Variants in MICU1 observed in about 807,000 individuals in gnomAD.
The protein encoded by MICU1 is mitochondrial calcium uptake 1, also known as calcium uptake protein 1, mitochondrial.
A neutral mutation model predicts 56.8 loss-of-function variants in MICU1; 45 were observed. The observed-to-expected ratio is 0.79, with a 90% confidence interval of 0.62 to 1.02. MICU1 has a LOEUF of 1.02. MICU1 is among the 50% of genes least tolerant of loss of function. The probability of loss-of-function intolerance (pLI) is 0.00; values close to 1 mark genes in which losing one functional copy is unlikely to be tolerated. For missense variants in MICU1, 504 were observed against 587.1 expected (o/e 0.86, Z 1.46); for synonymous variants, 186 against 195.1 (o/e 0.95, Z 0.39).
At chr10:72,606,587 T>A (rs1311387902) in intron 1 of MICU1, among the ~76,000 whole-genome samples, 1 of 151,840 alleles carries the variant, frequency 6.6e-6, no homozygotes, top group African/African-American at 2.4e-5. Flanking sequence ...ATACTGTGAT[T>A]TATAATAAGA....
chr10:72,414,295 T>C (rs1173936075), intron 9 of MICU1, among the ~76,000 whole-genome samples: 1 of 152,114 alleles, frequency 6.6e-6, no homozygotes, highest in Non-Finnish European at 1.5e-5. Context: ...TAGAAAATAA[T>C]AAACTATTAA....
intron 6 of MICU1, among the ~76,000 whole-genome samples, chr10:72,502,158 G>GTTTTTTTTTTTTTTT (rs1256587038): frequency 2.0e-4 from 26 of 131,832 alleles, no homozygotes; most frequent in African/African-American, 3.1e-4. Flanking sequence ...TTTTTTTTTT[G>GTTTTTTTTTTTTTTT]TTTTTTTTTT....
At chr10:72,372,297 G>A (rs1206673958) in intron 11 of MICU1, among the ~76,000 whole-genome samples, 1 of 152,050 alleles carries the variant, frequency 6.6e-6, no homozygotes, top group Non-Finnish European at 1.5e-5. Context: ...GAACTCAGGA[G>A]TTTGAGGTTA....
intron 9 of MICU1, among the ~76,000 whole-genome samples, chr10:72,411,397 G>C (rs1020101420): frequency 2.0e-5 from 3 of 150,680 alleles, no homozygotes; most frequent in African/African-American, 7.3e-5. Flanking sequence ...GCGCGATCTC[G>C]GCTCACTGCA....
intron 1 of MICU1, among the ~76,000 whole-genome samples, chr10:72,622,742 G>A (rs1842134463): frequency 6.6e-6 from 1 of 152,016 alleles, no homozygotes; most frequent in Non-Finnish European, 1.5e-5. Flanking sequence ...TTGTATTTTC[G>A]ATAATGTTTC....
intron 8 of MICU1, among the ~76,000 whole-genome samples, chr10:72,429,724 A>G (rs1448025643): frequency 6.6e-6 from 1 of 152,110 alleles, no homozygotes; most frequent in East Asian, 1.9e-4. Context: ...CTTAATATCT[A>G]CCTCCATGAT....
chr10:72,477,558 G>A lies in MICU1; in HGVS notation c.653-302C>T, dbSNP rs758769468. 42 of 1,534,638 alleles carry A rather than the reference G, an allele frequency of 2.7e-5. No homozygotes were observed. The South Asian group carries it at 4.6e-4, about 17-fold the overall frequency. ...TGCTTTCAGAGACACCATCTTCTTA[G>A]CTTAGTAATATTAACGTTCTGTTGC... On this transcript the variant is annotated intron_variant, in intron 6 of 11. Transcript: ENST00000361114.
rs772675227 is a variant in MICU1, at chr10:72,475,211, C to T, written c.822G>A (p.Leu274=). 2.5e-6 allele frequency: 4 copies of T among 1,611,134 alleles called. No individual in the cohort carries two copies. The Admixed American group carries it at 6.7e-5, about 27-fold the overall frequency. ...AAAAGTAGGTTGTGAGGGCTGAACA[C>T]AAGCCAGACTTGAGGGTGTTGCCAG... ...PTTGNTLKSG[L]CSALTTYFFG... is the part of the protein sequence containing the mutation. The change falls in exon 8 of 12, where the codon TTG becomes TTA. Residue 274 remains leucine, a synonymous_variant. Transcript: ENST00000361114.
At chr10:72,529,246 A>G (rs1839408843) in intron 5 of MICU1, among the ~76,000 whole-genome samples, 1 of 152,150 alleles carries the variant, frequency 6.6e-6, no homozygotes, top group Non-Finnish European at 1.5e-5. Flanking sequence ...GACTGTAGTT[A>G]CAAATAATGG....
At chr10:72,567,788 A>G (rs1840478458) in intron 1 of MICU1, among the ~76,000 whole-genome samples, 1 of 152,158 alleles carries the variant, frequency 6.6e-6, no homozygotes, top group South Asian at 2.1e-4. Context: ...GCAAGCCACA[A>G]AGGGCACACT....
Position 72,588,295 on chromosome 10 carries a change from C to G in MICU1, c.-1-21501G>C, listed in dbSNP as rs550806027. On this transcript the variant is annotated intron_variant, in intron 1 of 11. Coordinates refer to ENST00000361114, the MANE Select transcript of MICU1 (RefSeq NM_001195518.2). ...CCTGCAGAACCGTGAGTCAATTAAA[C>G]CTCTTTTCTTCATAAATTACCCAGT... 9.9e-5 allele frequency among the ~76,000 whole-genome samples: 15 copies of G among 151,064 alleles called. No individual in the cohort carries two copies. The South Asian group carries it at 3.2e-3, about 32-fold the overall frequency.
chr10:72,511,631 C>T (rs906806126), intron 5 of MICU1, among the ~76,000 whole-genome samples: 2 of 152,146 alleles, frequency 1.3e-5, no homozygotes. Context: ...CACAATGGGT[C>T]ATTATTGCAT....
intron 1 of MICU1, among the ~76,000 whole-genome samples, chr10:72,584,148 T>G (rs1033066069): frequency 3.3e-5 from 5 of 152,176 alleles, no homozygotes; most frequent in African/African-American, 1.2e-4. Flanking sequence ...TCCACAGTAC[T>G]TCACCTTCTG....
chr10:72,403,521 C>T (rs887388244), intron 10 of MICU1, among the ~76,000 whole-genome samples: 1 of 151,318 alleles, frequency 6.6e-6, no homozygotes, highest in Non-Finnish European at 1.5e-5. Context: ...GCAGCTAAAA[C>T]CAAAATATTT....
intron 8 of MICU1, among the ~76,000 whole-genome samples, chr10:72,447,198 A>G (rs1298738891): frequency 6.6e-6 from 1 of 152,230 alleles, no homozygotes; most frequent in African/African-American, 2.4e-5. Context: ...GCCTGAAGTT[A>G]CTATGTATGG....
At chr10:72,382,288 T>C (rs1167944261) in intron 10 of MICU1, among the ~76,000 whole-genome samples, 1 of 151,494 alleles carries the variant, frequency 6.6e-6, no homozygotes, top group African/African-American at 2.4e-5. Flanking sequence ...TTTTTTTTTT[T>C]TTTAGTAGAG....
rs140231411 is a variant in MICU1, at chr10:72,516,496, T to G, written c.538-8227A>C. Among the ~76,000 whole-genome samples, 1,243 of 152,334 alleles carry G rather than the reference T, an allele frequency of 8.2e-3. 15 individuals carry two copies. The highest frequency in any genetic ancestry group is 0.028 in the African/African-American group (1,171 of 41,572). ...GCCATTGCTTCTGGTGTTTTAGTCA[T>G]GAAGTCTTTGTCCATGCCTATGTCC... On this transcript the variant is annotated intron_variant, in intron 5 of 11. Transcript: ENST00000361114.
intron 4 of MICU1, among the ~76,000 whole-genome samples, chr10:72,550,051 G>A (rs1417331483): frequency 6.6e-6 from 1 of 151,746 alleles, no homozygotes; most frequent in Non-Finnish European, 1.5e-5. Flanking sequence ...GGTCCCATAA[G>A]ATTATAATTG....
chr10:72,608,010 G>A (rs1024115672), intron 1 of MICU1, among the ~76,000 whole-genome samples: 1 of 152,116 alleles, frequency 6.6e-6, no homozygotes, highest in Non-Finnish European at 1.5e-5. Flanking sequence ...AGAGTAAAGA[G>A]AGGAAGAAAA....
Sources: gnomAD v4.1 joint callset for allele counts (sites outside exome capture counted in the v4.1 genomes callset) on GRCh38, gnomAD v4.1.1 for gene constraint, MANE v1.5 for transcripts, NCBI Gene and HGNC (gene_info 2026-07-23, HGNC 2026-07-21) for gene names.